CDC42BPA: variants seen among roughly 807,000 people sequenced by gnomAD.
CDC42BPA encodes the protein CDC42 binding protein kinase alpha, also known as serine/threonine-protein kinase MRCK alpha.
A neutral mutation model predicts 223.5 loss-of-function variants in CDC42BPA; 80 were observed. The ratio of observed to expected loss-of-function variants is 0.36; its 90% CI spans 0.30 to 0.43. The LOEUF is 0.43. Ranked by LOEUF, CDC42BPA falls within the 20% of genes least tolerant of loss-of-function variation. The pLI, the probability that CDC42BPA is intolerant of heterozygous loss-of-function variation, is 1.00. For missense variants in CDC42BPA, 1,743 were observed against 2,099.9 expected, an observed-to-expected ratio of 0.83 and a Z score of 3.32; for synonymous variants, 694 against 718.6, an observed-to-expected ratio of 0.97 and a Z score of 0.55.
chr1:227,127,918 G>C (rs1277715975), intron 11 of CDC42BPA, among the ~76,000 whole-genome samples: 1 of 151,906 alleles, frequency 6.6e-6, no homozygotes, highest in African/African-American at 2.4e-5. Flanking sequence ...TTCTGGAGAG[G>C]CCTCACCATT....
chr1:227,292,184 T>TATTGG (rs1474616659), intron 1 of CDC42BPA, among the ~76,000 whole-genome samples: 4 of 152,144 alleles, frequency 2.6e-5, no homozygotes, highest in African/African-American at 9.7e-5. Context: ...GGTGTCACCA[T>TATTGG]ATTGGCCGGG....
chr1:227,254,273 A>G, intron 1 of CDC42BPA, 118 bp from the exon 2 acceptor site: 2 of 564,548 alleles, frequency 3.5e-6, no homozygotes, highest in South Asian at 4.9e-5. Context: ...AATTGTCAAA[A>G]TATTTAAAAA....
intron 35 of CDC42BPA, among the ~76,000 whole-genome samples, chr1:226,997,290 ATCAGTGGTGATC>A (rs2148255285): frequency 6.6e-6 from 1 of 152,200 alleles, no homozygotes; most frequent in African/African-American, 2.4e-5. Flanking sequence ...TTTCTGTGGG[ATCAGTGGTGATC>A]TCCCCTTTAT....
chr1:227,047,325 C>A (rs1489977395), intron 23 of CDC42BPA, among the ~76,000 whole-genome samples: 1 of 151,990 alleles, frequency 6.6e-6, no homozygotes, highest in Admixed American at 6.6e-5. Flanking sequence ...TTTATCTGGG[C>A]ACAGGTTATT....
chr1:227,132,583 T>G (rs1367695988), intron 10 of CDC42BPA, among the ~76,000 whole-genome samples: 2 of 127,804 alleles, frequency 1.6e-5, no homozygotes, highest in African/African-American at 3.0e-5. Context: ...CGTCTCTGCC[T>G]GGCCGCCCAT....
chr1:227,253,257 A>AGCGAGAGAGAGC (rs1281659032), intron 2 of CDC42BPA, among the ~76,000 whole-genome samples: 2 of 103,396 alleles, frequency 1.9e-5, no homozygotes, highest in African/African-American at 4.3e-5. Flanking sequence ...CGAGAGAGAG[A>AGCGAGAGAGAGC]GCGAGAGAGA....
intron 2 of CDC42BPA, among the ~76,000 whole-genome samples, chr1:227,237,045 CAAAA>C (rs11447987): frequency 2.6e-4 from 22 of 84,402 alleles, no homozygotes; most frequent in African/African-American, 6.9e-4. Flanking sequence ...CCGGTCTCCA[CAAAA>C]AAAAAAAAAA....
chr1:227,298,039 A>G (rs1416536371), intron 1 of CDC42BPA, among the ~76,000 whole-genome samples: 1 of 149,384 alleles, frequency 6.7e-6, no homozygotes, highest in Non-Finnish European at 1.5e-5. Context: ...ATATATACAT[A>G]CACCAAAAGA....
chr1:227,302,924 T>A (rs1003370704), intron 1 of CDC42BPA, among the ~76,000 whole-genome samples: 2 of 152,058 alleles, frequency 1.3e-5, no homozygotes, highest in Admixed American at 6.5e-5. Flanking sequence ...TGCTCCTTTT[T>A]ATGGCATCCT....
chr1:227,271,729 CATGT>C (rs1435582551), intron 1 of CDC42BPA, among the ~76,000 whole-genome samples: 1 of 152,166 alleles, frequency 6.6e-6, no homozygotes, highest in East Asian at 1.9e-4. Flanking sequence ...TTTAACTCTT[CATGT>C]ATTTAACTCT....
chr1:227,172,384 G>A (rs1376924540), intron 5 of CDC42BPA, among the ~76,000 whole-genome samples: 4 of 152,084 alleles, frequency 2.6e-5, no homozygotes, highest in African/African-American at 9.7e-5. Context: ...AATAATGGTG[G>A]TTATACAAAT....
intron 8 of CDC42BPA, among the ~76,000 whole-genome samples, chr1:227,144,045 T>C (rs1169093110): frequency 2.6e-5 from 4 of 152,226 alleles, no homozygotes; most frequent in African/African-American, 9.6e-5. Context: ...CTGCCTTGAA[T>C]ACAGTACTAG....
At chr1:227,212,983 A>T (rs1674194456) in intron 3 of CDC42BPA, among the ~76,000 whole-genome samples, 153 bp downstream of exon 3, 1 of 152,158 alleles carries the variant, frequency 6.6e-6, no homozygotes. Flanking sequence ...TCATAATTAT[A>T]TCACAATTGT....
In CDC42BPA at chr1:227,204,423, T is replaced by C. The variant is rs1379006195; in HGVS notation, c.355-4771A>G. On this transcript the variant is annotated intron_variant, in intron 3 of 36. Coordinates refer to ENST00000366766, the MANE Select transcript of CDC42BPA (RefSeq NM_001394014.1). Reference sequence around the variant, plus strand: ...TGCAAAGATAATAGTCCAACTTTTATAGAAGATAATTTTATTGGAACAATA... The same window carrying C: ...TGCAAAGATAATAGTCCAACTTTTACAGAAGATAATTTTATTGGAACAATA... Among the ~76,000 whole-genome samples the C allele has an allele frequency of 3.3e-5, 5 of 152,326 alleles. No individual in the cohort carries two copies. In the East Asian group the frequency reaches 9.6e-4, roughly 29 times the overall value.
At chr1:227,256,392 A>C (rs955410446) in intron 1 of CDC42BPA, among the ~76,000 whole-genome samples, 11 of 152,164 alleles carry the variant, frequency 7.2e-5, no homozygotes, top group Non-Finnish European at 1.2e-4. Flanking sequence ...CACAGATGAC[A>C]GGTTGATAGG....
chr1:227,218,287 A>G (rs1675228734), intron 2 of CDC42BPA, among the ~76,000 whole-genome samples: 1 of 152,218 alleles, frequency 6.6e-6, no homozygotes, highest in African/African-American at 2.4e-5. Flanking sequence ...CAGGCATCGA[A>G]GTCCTGACTT....
chr1:227,202,168 G>C (rs1671892690), intron 3 of CDC42BPA, among the ~76,000 whole-genome samples: 1 of 152,110 alleles, frequency 6.6e-6, no homozygotes, highest in Admixed American at 6.5e-5. Flanking sequence ...ATTTTTAGTA[G>C]AGATGGGGTT....
chr1:227,246,341 G>A (rs1176188595), intron 2 of CDC42BPA, among the ~76,000 whole-genome samples: 1 of 152,128 alleles, frequency 6.6e-6, no homozygotes, highest in Admixed American at 6.5e-5. Flanking sequence ...AGAATCGCAG[G>A]CTACCAGACA....
chr1:227,058,781 A>C (rs1327932359), intron 21 of CDC42BPA, among the ~76,000 whole-genome samples: 1 of 152,144 alleles, frequency 6.6e-6, no homozygotes, highest in Non-Finnish European at 1.5e-5. Flanking sequence ...ATATTTTTTA[A>C]ATCTTGGAAT....
Sources: gnomAD v4.1 joint callset for allele counts (sites outside exome capture counted in the v4.1 genomes callset) on GRCh38, gnomAD v4.1.1 for gene constraint, MANE v1.5 for transcripts, NCBI Gene and HGNC (gene_info 2026-07-23, HGNC 2026-07-21) for gene names.